Variants in BRINP3 observed in about 807,000 individuals in gnomAD.
The protein encoded by BRINP3 is BMP/retinoic acid-inducible neural-specific protein 3.
Under a neutral mutation model 71.0 loss-of-function variants are expected in BRINP3, and 19 were observed. The ratio of observed to expected loss-of-function variants is 0.27; its 90% confidence interval spans 0.19 to 0.39. The LOEUF is 0.39. Ranked by LOEUF, BRINP3 falls within the 10% of genes least tolerant of loss-of-function variation. BRINP3 has a pLI of 1.00. For missense variants in BRINP3, 959 were observed against 940.8 expected, an observed-to-expected ratio of 1.02 and a Z score of -0.25; for synonymous variants, 380 against 337.7, an observed-to-expected ratio of 1.13 and a Z score of -1.37.
chr1:190,302,126 T>G (rs1163137142), intron 2 of BRINP3, among the ~76,000 whole-genome samples: 1 of 151,230 alleles, frequency 6.6e-6, no homozygotes, highest in Non-Finnish European at 1.5e-5. Flanking sequence ...GTAGCACATT[T>G]GTTACAATTA....
intron 2 of BRINP3, among the ~76,000 whole-genome samples, chr1:190,425,556 T>G (rs1673649250): frequency 6.6e-6 from 1 of 151,784 alleles, no homozygotes; most frequent in Non-Finnish European, 1.5e-5. Context: ...TTGGAAAGAA[T>G]GGCAATTCCT....
chr1:190,411,151 C>T (rs934092342), intron 2 of BRINP3, among the ~76,000 whole-genome samples: 1 of 152,012 alleles, frequency 6.6e-6, no homozygotes, highest in African/African-American at 2.4e-5. Flanking sequence ...ACATACCATA[C>T]ATTAATGAAC....
At chr1:190,423,608 T>C (rs1673518627) in intron 2 of BRINP3, among the ~76,000 whole-genome samples, 1 of 151,838 alleles carries the variant, frequency 6.6e-6, no homozygotes, top group South Asian at 2.1e-4. Context: ...TTATACTTTA[T>C]ACATTCAATA....
At chr1:190,266,030 C>T (rs1286738536) in intron 3 of BRINP3, among the ~76,000 whole-genome samples, 1 of 152,130 alleles carries the variant, frequency 6.6e-6, no homozygotes, top group African/African-American at 2.4e-5. Flanking sequence ...TTAAGCTGAA[C>T]TTTTCAATGT....
At chr1:190,234,294 T>A (rs1248638017) in intron 5 of BRINP3, 78 bp downstream of exon 5, 1 of 1,104,576 alleles carries the variant, frequency 9.1e-7, no homozygotes, top group Non-Finnish European at 1.3e-6. Flanking sequence ...CAGTTTACTT[T>A]AAAAAATGGA....
intron 2 of BRINP3, among the ~76,000 whole-genome samples, chr1:190,285,681 G>A (rs570865989): frequency 6.6e-6 from 1 of 151,698 alleles, no homozygotes; most frequent in South Asian, 2.1e-4. Flanking sequence ...GTAATAAGGA[G>A]CTAATGTCTG....
chr1:190,163,586 A>C lies in BRINP3; in HGVS notation c.962-2696T>G, dbSNP rs112139716. 3.6e-3 allele frequency among the ~76,000 whole-genome samples: 539 copies of C among 148,650 alleles called. 4 individuals are homozygous for C. Among genetic ancestry groups the C allele is most frequent in the African/African-American group, 0.013 (511 of 39,594 alleles). On this transcript the variant is annotated intron_variant, in intron 6 of 7. Coordinates refer to ENST00000367462, the MANE Select transcript of BRINP3 (RefSeq NM_199051.3). Reference sequence around the variant, plus strand: ...TTATAGTCAGTCACAGTCTTCTTAAAACTTTTCACATGAAGCAAATAATAA... The same window carrying C: ...TTATAGTCAGTCACAGTCTTCTTAACACTTTTCACATGAAGCAAATAATAA...
chr1:190,424,675 G>T (rs1673588826), intron 2 of BRINP3, among the ~76,000 whole-genome samples: 1 of 151,566 alleles, frequency 6.6e-6, no homozygotes, highest in African/African-American at 2.4e-5. Context: ...AAGAGTAGTA[G>T]AAATATATTT....
intron 2 of BRINP3, among the ~76,000 whole-genome samples, chr1:190,371,316 T>C (rs1669851557): frequency 6.6e-6 from 1 of 152,240 alleles, no homozygotes; most frequent in South Asian, 2.1e-4. Flanking sequence ...AATTGTTATG[T>C]ACAAGTTTTT....
In BRINP3 at chr1:190,180,966, G is replaced by A. The variant is rs1652979866; in HGVS notation, c.962-20076C>T. On this transcript the variant is annotated intron_variant, in intron 6 of 7. Transcript: ENST00000367462. The stretch of plus-strand genomic sequence containing the variant: ...CAGGAAATTAATAGGCATAATTTAT[G>A]TGTATAGTTATATACCAGTCAAGAT... Among the ~76,000 whole-genome samples, 6 of 152,068 alleles carry A rather than the reference G, an allele frequency of 3.9e-5. No individual in the cohort carries two copies. In the South Asian group the frequency reaches 1.0e-3, roughly 26 times the overall value.
intron 6 of BRINP3, among the ~76,000 whole-genome samples, chr1:190,211,712 G>A (rs1011313358): frequency 6.6e-6 from 1 of 152,090 alleles, no homozygotes; most frequent in Non-Finnish European, 1.5e-5. Context: ...ACAGGGAGAA[G>A]GCATTTGGCA....
intron 2 of BRINP3, among the ~76,000 whole-genome samples, chr1:190,348,504 G>A (rs1668167555): frequency 6.6e-6 from 1 of 152,068 alleles, no homozygotes; most frequent in Non-Finnish European, 1.5e-5. Flanking sequence ...GTTTGTTTCT[G>A]TCTGTGCTTA....
intron 1 of BRINP3, among the ~76,000 whole-genome samples, chr1:190,457,089 A>G (rs996712123): frequency 6.6e-6 from 1 of 152,184 alleles, no homozygotes; most frequent in Non-Finnish European, 1.5e-5. Flanking sequence ...TATAACGTCA[A>G]GAGACAATAT....
At chr1:190,250,801 C>CGGTG (rs1660062640) in intron 4 of BRINP3, among the ~76,000 whole-genome samples, 1 of 151,942 alleles carries the variant, frequency 6.6e-6, no homozygotes, top group South Asian at 2.1e-4. Flanking sequence ...TTCCAACCAC[C>CGGTG]ATCCAGTGAT....
chr1:190,304,937 T>G (rs1017176803), intron 2 of BRINP3, among the ~76,000 whole-genome samples: 15 of 151,656 alleles, frequency 9.9e-5, no homozygotes, highest in Non-Finnish European at 1.8e-4. Flanking sequence ...ATAATCCAGT[T>G]AAAAACTGGG....
At chr1:190,119,587 C>T (rs181099282) in intron 7 of BRINP3, among the ~76,000 whole-genome samples, 577 of 152,162 alleles carry the variant, frequency 3.8e-3, no homozygotes, top group Non-Finnish European at 7.0e-3. Flanking sequence ...GTGCCCAGCC[C>T]TCTTTTTACT....
At chr1:190,322,049 C>CAT (rs1051054360) in intron 2 of BRINP3, among the ~76,000 whole-genome samples, 3 of 151,218 alleles carry the variant, frequency 2.0e-5, no homozygotes, top group African/African-American at 4.9e-5. Context: ...TATATGTGTG[C>CAT]ATATATATAT....
At chr1:190,265,736 T>TA (rs918690880) in intron 3 of BRINP3, among the ~76,000 whole-genome samples, 3 of 151,324 alleles carry the variant, frequency 2.0e-5, no homozygotes, top group Admixed American at 1.3e-4. Flanking sequence ...AATAAATAAA[T>TA]AAAAAGAAAG....
Position 190,477,492 on chromosome 1 carries a change from C to A in BRINP3, c.-95G>T, listed in dbSNP as rs1677573348. The A allele has an allele frequency of 6.6e-6, 1 of 152,092 alleles. No individual in the cohort carries two copies. The highest frequency in any genetic ancestry group is 6.6e-5 in the Admixed American group (1 of 15,256). The allele number at this position is 152,092 out of a possible 1,614,324, so 9.4% of individuals were successfully genotyped here. On this transcript the variant is annotated 5_prime_UTR_variant, in exon 1 of 8. Coordinates refer to ENST00000367462, the MANE Select transcript of BRINP3 (RefSeq NM_199051.3). ...CAAGAAGACTGTGAGAAAAATACAT[C>A]CAGGATTCAAATAGATATTCCATGA... is the stretch of plus-strand genomic sequence containing the variant.
Sources: gnomAD v4.1 joint callset for allele counts (sites outside exome capture counted in the v4.1 genomes callset) on GRCh38, gnomAD v4.1.1 for gene constraint, MANE v1.5 for transcripts, NCBI Gene and HGNC (gene_info 2026-07-23, HGNC 2026-07-21) for gene names.